TASP1: variants seen among roughly 807,000 people sequenced by gnomAD.
The protein encoded by TASP1 is threonine aspartase 1.
TASP1 carries 16 observed loss-of-function variants against 56.6 expected under a neutral mutation model. The observed-to-expected ratio is 0.28, with a 90% CI of 0.19 to 0.43. The LOEUF (loss-of-function observed/expected upper bound fraction) is 0.43. TASP1 is among the 20% of genes least tolerant of loss of function. The pLI is 1.00. For synonymous variants in TASP1, 179 were observed against 184.2 expected (o/e 0.97, Z 0.23); for missense variants, 393 against 511.6 (o/e 0.77, Z 2.24).
At chr20:13,457,610 A>T (rs2043894135) in intron 11 of TASP1, among the ~76,000 whole-genome samples, 1 of 151,998 alleles carries the variant, frequency 6.6e-6, no homozygotes, top group Non-Finnish European at 1.5e-5. Context: ...TTTTAATTTT[A>T]TTTTATTTTT....
chr20:13,503,842 C>T (rs1475527754), intron 10 of TASP1, among the ~76,000 whole-genome samples: 1 of 151,706 alleles, frequency 6.6e-6, no homozygotes, highest in Admixed American at 6.6e-5. Flanking sequence ...AGAACATTAA[C>T]AGCAGACTTG....
chr20:13,315,998 T>A, the TASP1 span, among the ~76,000 whole-genome samples: 1 of 151,946 alleles, frequency 6.6e-6, no homozygotes, highest in African/African-American at 2.4e-5. Context: ...GCAAAAGTAG[T>A]GCTTAAAGGG....
the TASP1 span, among the ~76,000 whole-genome samples, chr20:13,373,052 G>A: frequency 1.3e-5 from 2 of 151,420 alleles, no homozygotes; most frequent in East Asian, 3.9e-4. Flanking sequence ...AAGAAGAGTA[G>A]GTATTTATTT....
chr20:13,630,228 G>A, intron 1 of TASP1, 76 bp from the exon 2 acceptor site: 1 of 730,222 alleles, frequency 1.4e-6, no homozygotes, highest in Non-Finnish European at 2.0e-6. Context: ...TTCATGCAAA[G>A]ATAATGTTCA....
chr20:13,217,746 T>C, the TASP1 span, among the ~76,000 whole-genome samples: 2 of 152,260 alleles, frequency 1.3e-5, no homozygotes, highest in Non-Finnish European at 2.9e-5. Context: ...AATTACTCTG[T>C]GCAAGGCATT....
Position 13,625,167 on chromosome 20 carries a change from T to C in TASP1, c.213+18A>G, listed in dbSNP as rs753186951. The C allele has an allele frequency of 6.9e-6, 11 of 1,587,064 alleles. No individual in the cohort carries two copies. Among genetic ancestry groups the C allele is most frequent in the South Asian group, 1.2e-5 (1 of 86,342 alleles). ...GTTCAAAACTGCAATGCACAGATCA[T>C]ACACATTGTGTTCATACCTTCTGAC... On this transcript the variant is annotated intron_variant, in intron 3 of 13. Coordinates refer to ENST00000337743, the MANE Select transcript of TASP1 (RefSeq NM_017714.3).
At chr20:13,126,803 C>G in the TASP1 span, 13 of 1,514,700 alleles carry the variant, frequency 8.6e-6, no homozygotes, top group Non-Finnish European at 1.2e-5. Context: ...AAATACACAC[C>G]TTTATCTTAT....
intron 1 of TASP1, among the ~76,000 whole-genome samples, chr20:13,631,031 T>C (rs1262109955): frequency 6.6e-6 from 1 of 152,142 alleles, no homozygotes; most frequent in East Asian, 1.9e-4. Flanking sequence ...GGGTGGTATT[T>C]GGGGAGTTTT....
the TASP1 span, among the ~76,000 whole-genome samples, chr20:13,330,945 G>T: frequency 1.3e-5 from 2 of 152,022 alleles, no homozygotes; most frequent in African/African-American, 4.8e-5. Flanking sequence ...TCTTCTCAAA[G>T]AACCAGCTTT....
chr20:13,393,016 G>T (rs2041350943), intron 13 of TASP1: 1 of 581,568 alleles, frequency 1.7e-6, no homozygotes, highest in South Asian at 1.6e-5. Flanking sequence ...CTTGCAGCAG[G>T]GAGCCAAAAG....
chr20:13,285,991 T>C, the TASP1 span, among the ~76,000 whole-genome samples: 13 of 152,204 alleles, frequency 8.5e-5, no homozygotes, highest in Admixed American at 3.9e-4. Flanking sequence ...TTTGGCATCA[T>C]TGGGTTATGT....
At chr20:13,188,184 A>G in the TASP1 span, among the ~76,000 whole-genome samples, 1 of 152,206 alleles carries the variant, frequency 6.6e-6, no homozygotes, top group African/African-American at 2.4e-5. Context: ...TCAACACAGC[A>G]CTGGAAGTCC....
the TASP1 span, among the ~76,000 whole-genome samples, chr20:13,370,042 A>C: frequency 6.6e-6 from 1 of 152,180 alleles, no homozygotes; most frequent in Non-Finnish European, 1.5e-5. Flanking sequence ...TATCCCATCA[A>C]ATACTACTCA....
rs184766804 is a variant in TASP1 at position 13,624,841 on chromosome 20, T to G, written c.213+344A>C. ...CCCATTTTAATTTTTTTATTTATTT[T>G]TTTCCCTTCATGGAAAAACACATTG... On this transcript the variant is annotated intron_variant, in intron 3 of 13. Coordinates refer to ENST00000337743, the MANE Select transcript of TASP1 (RefSeq NM_017714.3). 2.0e-5 allele frequency among the ~76,000 whole-genome samples: 3 copies of G among 152,096 alleles called. No individual in the cohort carries two copies. The East Asian group carries it at 5.8e-4, about 29-fold the overall frequency.
chr20:13,337,169 G>A, the TASP1 span, among the ~76,000 whole-genome samples: 1 of 152,170 alleles, frequency 6.6e-6, no homozygotes, highest in Non-Finnish European at 1.5e-5. Flanking sequence ...GAACGAGGAG[G>A]ATTTCCTTCT....
chr20:13,157,907 T>C, the TASP1 span, among the ~76,000 whole-genome samples: 1 of 152,194 alleles, frequency 6.6e-6, no homozygotes. Context: ...TTGATTTTAT[T>C]AAAGAATGGT....
chr20:13,448,354 G>A (rs1313882202), intron 11 of TASP1, among the ~76,000 whole-genome samples: 2 of 152,016 alleles, frequency 1.3e-5, no homozygotes, highest in Non-Finnish European at 2.9e-5. Flanking sequence ...TAAATTTCGA[G>A]TGGCTTTATT....
the TASP1 span, among the ~76,000 whole-genome samples, chr20:13,326,626 T>C: frequency 1.3e-5 from 2 of 152,202 alleles, no homozygotes; most frequent in Admixed American, 1.3e-4. Flanking sequence ...TTGAGCATTT[T>C]TCATGTGTTT....
chr20:13,637,783 G>C (rs1475984805), intron 1 of TASP1, among the ~76,000 whole-genome samples: 1 of 152,134 alleles, frequency 6.6e-6, no homozygotes, highest in Non-Finnish European at 1.5e-5. Context: ...TTTCTTTTGG[G>C]GGTGATGAAA....
Sources: gnomAD v4.1 joint callset for allele counts (sites outside exome capture counted in the v4.1 genomes callset) on GRCh38, gnomAD v4.1.1 for gene constraint, MANE v1.5 for transcripts, NCBI Gene and HGNC (gene_info 2026-07-23, HGNC 2026-07-21) for gene names.